Variants in MYEF2 observed in about 807,000 individuals in gnomAD.
MYEF2 encodes myelin gene expression factor 2.
A neutral mutation model predicts 75.2 loss-of-function variants in MYEF2; 37 were observed. The observed-to-expected ratio is 0.49, with a 90% CI of 0.38 to 0.65. MYEF2 has a LOEUF of 0.65. MYEF2 is among the 30% of genes least tolerant of loss of function. MYEF2 has a pLI of 0.00. For synonymous variants in MYEF2, 195 were observed against 241.6 expected, an observed-to-expected ratio of 0.81 and a Z score of 1.79; for missense variants, 634 against 771.4, an observed-to-expected ratio of 0.82 and a Z score of 2.11.
At chr15:48,158,090 T>C (rs1253821517) in intron 8 of MYEF2, 34 bp from the exon 9 acceptor site, 3 of 1,611,824 alleles carry the variant, frequency 1.9e-6, no homozygotes, top group Admixed American at 1.7e-5. Flanking sequence ...ATGGTTAACA[T>C]ATTACCACAA....
chr15:48,160,919 G>A lies in MYEF2; in HGVS notation c.526-1115C>T, dbSNP rs369372660. ...TCAAAGAATGCTTCAAAACATATAA[G>A]TTAATAAATAAATTCTTTAGGCCTG... On this transcript the variant is annotated intron_variant, in intron 5 of 16. Coordinates refer to ENST00000324324, the MANE Select transcript of MYEF2 (RefSeq NM_016132.5). Among the ~76,000 whole-genome samples the A allele has an allele frequency of 1.2e-3, 188 of 152,046 alleles. 7 individuals carry two copies. The South Asian group carries it at 0.038, about 31-fold the overall frequency.
chr15:48,172,905 G>C (rs1426307874), intron 1 of MYEF2, among the ~76,000 whole-genome samples: 1 of 152,080 alleles, frequency 6.6e-6, no homozygotes, highest in Admixed American at 6.5e-5. Context: ...CCCAGGACCT[G>C]GTAAATTCTA....
intron 10 of MYEF2, chr15:48,152,738 G>A (rs937976069): frequency 6.4e-6 from 1 of 156,052 alleles, no homozygotes; most frequent in Non-Finnish European, 1.4e-5. Context: ...TAAATAGTAT[G>A]TATTTAGGAG....
intron 16 of MYEF2, among the ~76,000 whole-genome samples, chr15:48,143,893 T>C (rs1348098384): frequency 6.6e-6 from 1 of 151,982 alleles, no homozygotes; most frequent in Non-Finnish European, 1.5e-5. Context: ...TAGAACACTT[T>C]TGAGAGTAAA....
Position 48,149,014 on chromosome 15 carries a change from A to C in MYEF2, c.1639+18T>G. 1 of 1,611,800 alleles carries C rather than the reference A, an allele frequency of 6.2e-7. No individual in the cohort carries two copies. Among genetic ancestry groups the C allele is most frequent in the Non-Finnish European group, 8.5e-7 (1 of 1,178,274 alleles). On this transcript the variant is annotated intron_variant, in intron 16 of 16. Coordinates refer to ENST00000324324, the MANE Select transcript of MYEF2 (RefSeq NM_016132.5). This position sits in a 1 kb window ranked among gnomAD's most constrained non-coding sequence, Gnocchi z 4.0. Reference sequence around the variant, plus strand: ...CCATAATCAATATCAACATATCTGCAGTCATTTGCATACTTACCACACTGA... The same window carrying C: ...CCATAATCAATATCAACATATCTGCCGTCATTTGCATACTTACCACACTGA...
chr15:48,142,202 C>CT lies in MYEF2; in HGVS notation c.*705dup, dbSNP rs886037644. 2 of 1,613,704 alleles carry CT rather than the reference C, an allele frequency of 1.2e-6. No homozygotes were observed. Among genetic ancestry groups the CT allele is most frequent in the Non-Finnish European group, 8.5e-7 (1 of 1,179,846 alleles). ...CTCTCTCAACATTTCAATTATTTTT[C>CT]TTTTTTTAGCAGTTCACTTCAATGG... On this transcript the variant is annotated 3_prime_UTR_variant, in exon 17 of 17. Coordinates refer to ENST00000324324, the MANE Select transcript of MYEF2 (RefSeq NM_016132.5).
chr15:48,151,111 C>T lies in MYEF2; in HGVS notation c.1367G>A (p.Gly456Glu), dbSNP rs2039476100. Residue 456 changes from glycine (G) to glutamate (E), a missense_variant, in exon 14 of 17, where the codon GGA (glycine) becomes GAA (glutamate). Physicochemically the swap from Gly to Glu is moderately conservative, Grantham distance 98. Coordinates refer to ENST00000324324, the MANE Select transcript of MYEF2 (RefSeq NM_016132.5). ...AAATTTAAACCTACTTATTCCAGAT[C>T]CTACTGGACCCATGTTAGAAGATCC... ...RIGSSNMGPV[G>E]SGISGGMGSM... 6.2e-7 allele frequency: 1 copy of T among 1,605,922 alleles called. No homozygotes were observed.
At chr15:48,146,461 A>G (rs2039287622) in intron 16 of MYEF2, among the ~76,000 whole-genome samples, 1 of 151,950 alleles carries the variant, frequency 6.6e-6, no homozygotes, top group Non-Finnish European at 1.5e-5. Flanking sequence ...AAGATCTGAA[A>G]ACAATCTTTT....
chr15:48,163,266 G>A (rs2040016086), intron 5 of MYEF2, among the ~76,000 whole-genome samples: 1 of 152,188 alleles, frequency 6.6e-6, no homozygotes, highest in South Asian at 2.1e-4. Context: ...ACTTGTTTGT[G>A]CTTATAACAT....
Position 48,168,795 on chromosome 15 carries a change from T to C in MYEF2, c.206A>G (p.Glu69Gly). The change falls in exon 2 of 17, where the codon GAA becomes GGA. Residue 69 changes from glutamate to glycine, a missense_variant. Coordinates refer to ENST00000324324, the MANE Select transcript of MYEF2 (RefSeq NM_016132.5). Reference protein sequence around the residue: ...SAKEEKSDLKEKSTGSKKANR... With the variant: ...SAKEEKSDLKGKSTGSKKANR... ...GGCCTTCTTACTTCCTGTAGATTTTTCCTTTAAGTCAGATTTCTCTTCTTT... is the reference window on the plus strand; with the variant it reads ...GGCCTTCTTACTTCCTGTAGATTTTCCCTTTAAGTCAGATTTCTCTTCTTT... 1.2e-6 allele frequency: 2 copies of C among 1,613,664 alleles called. No individual in the cohort carries two copies. The highest frequency in any genetic ancestry group is 2.2e-5 in the East Asian group (1 of 44,842).
Position 48,158,220 on chromosome 15 carries a change from C to T in MYEF2, c.876G>A (p.Met292Ile), listed in dbSNP as rs2039779544. The T allele has an allele frequency of 6.2e-7, 1 of 1,612,754 alleles. No homozygotes were observed. The highest frequency in any genetic ancestry group is 1.3e-5 in the African/African-American group (1 of 74,850). ...TATCAAATAAAAACTGCCCATTGAA[C>T]ATAGCTGTTGGTTCAGTCAAGGAAA... ...QAIEAVQAIS[M>I]FNGQFLFDRP... Residue 292 changes from methionine (M) to isoleucine (I), a missense_variant, in exon 8 of 17, where the codon ATG becomes ATA. Coordinates refer to ENST00000324324, the MANE Select transcript of MYEF2 (RefSeq NM_016132.5).
intron 7 of MYEF2, 78 bp from the exon 8 acceptor site, chr15:48,158,302 T>C: frequency 1.5e-6 from 2 of 1,354,868 alleles, no homozygotes; most frequent in Non-Finnish European, 2.1e-6. Context: ...TTAATAATCT[T>C]AGAGTCCAAC....
At chr15:48,159,434 G>A (rs1359579337) in intron 6 of MYEF2, among the ~76,000 whole-genome samples, 179 bp downstream of exon 6, 8 of 149,742 alleles carry the variant, frequency 5.3e-5, no homozygotes, top group African/African-American at 9.9e-5. Flanking sequence ...AACCTTGTGC[G>A]TGTGTGTGTG....
chr15:48,137,044 G>T lies in MYEF2; in HGVS notation c.*5864C>A, dbSNP rs764092588. ...ATTTCATTTCAATTCAGCAAGTATT[G>T]TGTGCTTTTTATGTAAAAAAGACTG... On this transcript the variant is annotated 3_prime_UTR_variant, in exon 17 of 17. Transcript: ENST00000324324. The T allele has an allele frequency of 3.5e-6, 5 of 1,431,340 alleles. No homozygotes were observed. The highest frequency in any genetic ancestry group is 4.7e-6 in the Non-Finnish European group (5 of 1,067,534). 88.7% of individuals were successfully genotyped at this position (1,431,340 alleles called of 1,614,324 possible). A position where few individuals can be genotyped will look rare whatever the true frequency, so the allele number is the denominator to read the frequency against.
Position 48,151,454 on chromosome 15 carries a change from A to G in MYEF2, c.1306+19T>C. The stretch of plus-strand genomic sequence containing the variant: ...TATAGCCTACAAAAAGAAAAGGAGA[A>G]GTATGCAGCCAGCCCTACCAAGTCT... On this transcript the variant is annotated intron_variant, in intron 13 of 16. Coordinates refer to ENST00000324324, the MANE Select transcript of MYEF2 (RefSeq NM_016132.5). 6.3e-7 allele frequency: 1 copy of G among 1,593,640 alleles called. No individual in the cohort carries two copies. Among genetic ancestry groups the G allele is most frequent in the Non-Finnish European group, 8.6e-7 (1 of 1,161,896 alleles).
chr15:48,151,620 G>A (rs2039494909), intron 12 of MYEF2, 49 bp from the exon 13 acceptor site: 2 of 1,473,256 alleles, frequency 1.4e-6, no homozygotes, highest in South Asian at 2.4e-5. Context: ...ATCAATACAT[G>A]TTGAAAACAT....
chr15:48,143,192 A>ATTTT, intron 16 of MYEF2, 121 bp from the exon 17 acceptor site: 2 of 522,088 alleles, frequency 3.8e-6, no homozygotes, highest in Non-Finnish European at 5.9e-6. Context: ...TTAATTATTT[A>ATTTT]AAATAAATAA....
At chr15:48,161,673 C>G (rs1426966976) in intron 5 of MYEF2, among the ~76,000 whole-genome samples, 1 of 150,760 alleles carries the variant, frequency 6.6e-6, no homozygotes, top group East Asian at 2.0e-4. Context: ...TATTTAGCAT[C>G]CAATATTATA....
chr15:48,168,899 G>T, intron 1 of MYEF2, 60 bp from the exon 2 acceptor site: 1 of 1,278,328 alleles, frequency 7.8e-7, no homozygotes, highest in Non-Finnish European at 1.1e-6. Context: ...AAGAATGGAA[G>T]TCTATATTAA....
Sources: gnomAD v4.1 joint callset for allele counts (sites outside exome capture counted in the v4.1 genomes callset) on GRCh38, gnomAD v4.1.1 for gene constraint, Gnocchi (gnomAD v3.1) non-coding constraint, MANE v1.5 for transcripts, NCBI Gene and HGNC (gene_info 2026-07-23, HGNC 2026-07-21) for gene names.